The following DUSP8 variants were observed in gnomAD, a reference collection of about 807,000 sequenced individuals.
DUSP8 encodes the protein dual specificity phosphatase 8.
Under a neutral mutation model 38.7 loss-of-function variants are expected in DUSP8, and 15 were observed. That is an observed-to-expected ratio of 0.39 (90% confidence interval 0.26 to 0.60). The LOEUF is 0.60. DUSP8 is among the 20% of genes least tolerant of loss of function. The pLI is 0.56. For missense variants in DUSP8, 768 were observed against 915.0 expected, an observed-to-expected ratio of 0.84 and a Z score of 2.07; for synonymous variants, 458 against 433.9, an observed-to-expected ratio of 1.06 and a Z score of -0.69.
intron 1 of DUSP8, among the ~76,000 whole-genome samples, chr11:1,569,815 C>G (rs1304098753): frequency 6.6e-6 from 1 of 152,218 alleles, no homozygotes; most frequent in East Asian, 1.9e-4. Context: ...CCCCCTCACA[C>G]CTAGGCAGGC....
chr11:1,559,791 C>T (rs1848690286), intron 3 of DUSP8, among the ~76,000 whole-genome samples: 1 of 152,158 alleles, frequency 6.6e-6, no homozygotes, highest in South Asian at 2.1e-4. Flanking sequence ...TGTGCTGCTG[C>T]CTTCCACACA....
Position 1,558,910 on chromosome 11 carries a change from C to A in DUSP8, c.516G>T (p.Ser172=). ...ACACCTTGTTTAGGACGTCCTTCTGCGAGCCCAGGTAGAGGTGAGGCAGGA... is the reference window on the plus strand; with the variant it reads ...ACACCTTGTTTAGGACGTCCTTCTGAGAGCCCAGGTAGAGGTGAGGCAGGA... ...TRILPHLYLG[S]QKDVLNKDLM... Residue 172 remains serine (S), a synonymous_variant, in exon 4 of 7, where the codon TCG becomes TCT. Coordinates refer to ENST00000397374, the MANE Select transcript of DUSP8 (RefSeq NM_004420.3). This position sits in a 1 kb window ranked among gnomAD's most constrained non-coding sequence, Gnocchi z 6.3. 6.2e-7 allele frequency: 1 copy of A among 1,610,690 alleles called. No homozygotes were observed. The highest frequency in any genetic ancestry group is 8.5e-7 in the Non-Finnish European group (1 of 1,178,128).
At position 1,558,242 on chromosome 11, in the gene DUSP8, G is replaced by A. The variant is rs781202178; in HGVS notation, c.567C>T (p.Tyr189=). The A allele has an allele frequency of 6.7e-5, 88 of 1,311,236 alleles. No homozygotes were observed. The highest frequency in any genetic ancestry group is 8.2e-5 in the Non-Finnish European group (80 of 979,026). The allele number at this position is 1,311,236 out of a possible 1,614,324, so 81.2% of individuals were successfully genotyped here. A position where few individuals can be genotyped will look rare whatever the true frequency, so the allele number is the denominator to read the frequency against. The change falls in exon 5 of 7, where the codon TAC becomes TAT. Residue 189 remains tyrosine (Y), a synonymous_variant. Transcript: ENST00000397374. The surrounding 1 kb of genome is among the most constrained non-coding windows in gnomAD (Gnocchi z 6.3). ...GGCAGGAGTTGCTGGCGTTGAGGAC[G>A]TAGCTTATTCCATTTTGCGTCATCA... The part of the protein sequence containing the change: ...KDLMTQNGIS[Y]VLNASNSCPK...
Position 1,557,163 on chromosome 11 carries a change from G to A in DUSP8, c.1233C>T (p.Pro411=), listed in dbSNP as rs761116769. ...GGGCCTCGCCGGGGTCGGGGGGCCCGGGGCCGTCGGGCCGCCTGCTAGGGG... is the reference window on the plus strand; with the variant it reads ...GGGCCTCGCCGGGGTCGGGGGGCCCAGGGCCGTCGGGCCGCCTGCTAGGGG... ...AYAPSRRPDG[P]GPPDPGEAPK... The change falls in exon 7 of 7, where the codon CCC becomes CCT. Residue 411 remains proline (P), a synonymous_variant. Coordinates refer to ENST00000397374, the MANE Select transcript of DUSP8 (RefSeq NM_004420.3). The surrounding 1 kb of genome is among the most constrained non-coding windows in gnomAD (Gnocchi z 9.9). 6 of 1,443,330 alleles carry A rather than the reference G, an allele frequency of 4.2e-6. No individual in the cohort carries two copies. The highest frequency in any genetic ancestry group is 3.0e-5 in the African/African-American group (2 of 66,506). 89.4% of individuals were successfully genotyped at this position (1,443,330 alleles called of 1,614,324 possible). A position where few individuals can be genotyped will look rare whatever the true frequency, so the allele number is the denominator to read the frequency against.
Position 1,556,835 on chromosome 11 carries a change from C to T in DUSP8, c.1561G>A (p.Asp521Asn). Residue 521 changes from aspartate to asparagine, a missense_variant, in exon 7 of 7, where the codon GAC becomes AAC. Around this residue, in one of 3 missense-constraint regions of DUSP8, gnomAD observed 474 missense variants for 430.8 expected, o/e 1.10. Coordinates refer to ENST00000397374, the MANE Select transcript of DUSP8 (RefSeq NM_004420.3). This position sits in a 1 kb window ranked among gnomAD's most constrained non-coding sequence, Gnocchi z 5.2. ...TCGGGGCTGAAGCACCAGGGCCCGTCGGGCGACGGCGTGCCTGGGGAGTCG... is the reference window on the plus strand; with the variant it reads ...TCGGGGCTGAAGCACCAGGGCCCGTTGGGCGACGGCGTGCCTGGGGAGTCG... The part of the protein sequence containing the change: ...PLDSPGTPSP[D>N]GPWCFSPEGA... 1.7e-6 allele frequency: 2 copies of T among 1,149,972 alleles called. No homozygotes were observed. Among genetic ancestry groups the T allele is most frequent in the Non-Finnish European group, 2.1e-6 (2 of 935,720 alleles). The allele number at this position is 1,149,972 out of a possible 1,614,324, so 71.2% of individuals were successfully genotyped here.
intron 1 of DUSP8, among the ~76,000 whole-genome samples, chr11:1,569,640 C>CT: frequency 6.6e-6 from 1 of 152,282 alleles, no homozygotes; most frequent in Admixed American, 6.5e-5. Flanking sequence ...CAGCACATTC[C>CT]TGTCCCTGAG....
chr11:1,565,145 G>C (rs1299904810), intron 2 of DUSP8, among the ~76,000 whole-genome samples: 1 of 152,174 alleles, frequency 6.6e-6, no homozygotes, highest in African/African-American at 2.4e-5. Context: ...TGTGCCTTTT[G>C]ACCACCCCTC....
Position 1,556,663 on chromosome 11 carries a change from G to A in DUSP8, c.1733C>T (p.Ala578Val), listed in dbSNP as rs1438846376. 7.2e-6 allele frequency: 10 copies of A among 1,386,540 alleles called. No individual in the cohort carries two copies. The highest frequency in any genetic ancestry group is 1.6e-5 in the South Asian group (1 of 63,024). 85.9% of individuals were successfully genotyped at this position (1,386,540 alleles called of 1,614,324 possible). A position where few individuals can be genotyped will look rare whatever the true frequency, so the allele number is the denominator to read the frequency against. ...DARTGWPEEP[A>V]PETQFKRRSC... The stretch of plus-strand genomic sequence containing the variant: ...GCGGCGCTTGAACTGCGTCTCCGGG[G>A]CCGGCTCCTCGGGCCAGCCGGTCCG... The change falls in exon 7 of 7, where the codon GCC becomes GTC. Residue 578 changes from alanine to valine, a missense_variant. By Grantham distance (64) the Ala-to-Val change is moderately conservative (BLOSUM62 0). Coordinates refer to ENST00000397374, the MANE Select transcript of DUSP8 (RefSeq NM_004420.3). The surrounding 1 kb of genome is among the most constrained non-coding windows in gnomAD (Gnocchi z 5.2).
At chr11:1,560,941 T>C (rs1353445523) in intron 3 of DUSP8, among the ~76,000 whole-genome samples, 1 of 152,182 alleles carries the variant, frequency 6.6e-6, no homozygotes, top group Non-Finnish European at 1.5e-5. Context: ...GGAAAGTCTC[T>C]GGACAGGTGC....
rs560998745 is a variant in DUSP8 at position 1,571,128 on chromosome 11, T to A, written c.-109+773A>T. On this transcript the variant is annotated intron_variant, in intron 1 of 6. Coordinates refer to ENST00000397374, the MANE Select transcript of DUSP8 (RefSeq NM_004420.3). ...ATTCTCCCAGAAGGGGTGACCCTGT[T>A]GGGGCTGGGCCTATTGTTGCCCCCT... Among the ~76,000 whole-genome samples, 3 of 152,184 alleles carry A rather than the reference T, an allele frequency of 2.0e-5. No individual in the cohort carries two copies. In the East Asian group the frequency reaches 5.8e-4, roughly 29 times the overall value.
chr11:1,557,047 CGCGCCTCAG>C lies in DUSP8; in HGVS notation c.1340_1348del (p.Pro447_Ala449del). On this transcript the variant is annotated inframe_deletion, in exon 7 of 7. Transcript: ENST00000397374. This position sits in a 1 kb window ranked among gnomAD's most constrained non-coding sequence, Gnocchi z 9.9. ...CCGGGGCCGCCGGCGGGGCCGTGGG[CGCGCCTCAG>C]GCGCGGCGTCCGGGCTGTCCGGGCT... The C allele has an allele frequency of 8.8e-7, 1 of 1,133,128 alleles. No individual in the cohort carries two copies. The highest frequency in any genetic ancestry group is 1.1e-6 in the Non-Finnish European group (1 of 925,412). The allele number at this position is 1,133,128 out of a possible 1,614,324, so 70.2% of individuals were successfully genotyped here.
chr11:1,557,783 G>A lies in DUSP8; in HGVS notation c.821+11C>T, dbSNP rs753157729. The A allele has an allele frequency of 2.5e-6, 4 of 1,612,550 alleles. No individual in the cohort carries two copies. Among genetic ancestry groups the A allele is most frequent in the Non-Finnish European group, 1.7e-6 (2 of 1,179,958 alleles). On this transcript the variant is annotated intron_variant, in intron 6 of 6. Coordinates refer to ENST00000397374, the MANE Select transcript of DUSP8 (RefSeq NM_004420.3). The surrounding 1 kb of genome is among the most constrained non-coding windows in gnomAD (Gnocchi z 9.9). The stretch of plus-strand genomic sequence containing the variant: ...TGTGAGCCACAAGTGCGCGACTGGG[G>A]AAGGTGGTACCTGTAGGCGTCGTCG...
At chr11:1,569,039 G>A (rs1004571319) in intron 1 of DUSP8, among the ~76,000 whole-genome samples, 1 of 152,154 alleles carries the variant, frequency 6.6e-6, no homozygotes, top group African/African-American at 2.4e-5. Flanking sequence ...GCCAGCACTG[G>A]CCATGTGGGA....
Position 1,556,812 on chromosome 11 carries a change from G to C in DUSP8, c.1584C>G (p.Pro528=), listed in dbSNP as rs916286917. The C allele has an allele frequency of 4.3e-6, 5 of 1,167,356 alleles. No homozygotes were observed. In the African/African-American group the frequency reaches 6.5e-5, roughly 15 times the overall value. 72.3% of individuals were successfully genotyped at this position (1,167,356 alleles called of 1,614,324 possible). ...CCCCGCCCGCCCCCTGTGCGCCCTC[G>C]GGGCTGAAGCACCAGGGCCCGTCGG... ...PSPDGPWCFS[P]EGAQGAGGVL... The change falls in exon 7 of 7, where the codon CCC becomes CCG. Residue 528 remains proline (P), a synonymous_variant. Coordinates refer to ENST00000397374, the MANE Select transcript of DUSP8 (RefSeq NM_004420.3). The surrounding 1 kb of genome is among the most constrained non-coding windows in gnomAD (Gnocchi z 5.2).
intron 3 of DUSP8, among the ~76,000 whole-genome samples, chr11:1,562,983 A>C (rs1339240743): frequency 5.3e-5 from 8 of 151,950 alleles, no homozygotes; most frequent in Non-Finnish European, 1.2e-4. Flanking sequence ...TTCATCCCCC[A>C]CAGTCGCCCT....
rs927471120 is a variant in DUSP8 at position 1,558,811 on chromosome 11, C to T, written c.537+78G>A. 6.6e-7 allele frequency: 1 copy of T among 1,505,818 alleles called. No individual in the cohort carries two copies. The highest frequency in any genetic ancestry group is 9.0e-7 in the Non-Finnish European group (1 of 1,115,124). The allele number at this position is 1,505,818 out of a possible 1,614,324, so 93.3% of individuals were successfully genotyped here. A position where few individuals can be genotyped will look rare whatever the true frequency, so the allele number is the denominator to read the frequency against. On this transcript the variant is annotated intron_variant, in intron 4 of 6. Transcript: ENST00000397374. The surrounding 1 kb of genome is among the most constrained non-coding windows in gnomAD (Gnocchi z 6.3). ...TTCAGCTCCTTTCCTCCCTCATCCC[C>T]CGCTCCGCTGCCAAGCTGCTTCTGG...
At chr11:1,568,494 A>T (rs1196546499) in intron 1 of DUSP8, among the ~76,000 whole-genome samples, 1 of 152,114 alleles carries the variant, frequency 6.6e-6, no homozygotes, top group Non-Finnish European at 1.5e-5. Flanking sequence ...GCCGAAGGGG[A>T]TTCATTAGCA....
In DUSP8 at chr11:1,571,970, C is replaced by A. The variant is rs1371675776; in HGVS notation, c.-178G>T. 1 of 145,248 alleles carries A rather than the reference C, an allele frequency of 6.9e-6. No homozygotes were observed. Among genetic ancestry groups the A allele is most frequent in the African/African-American group, 2.5e-5 (1 of 40,562 alleles). The allele number at this position is 145,248 out of a possible 1,614,324, so 9.0% of individuals were successfully genotyped here. ...GCTCAGGGCGCCCGCTCGGCCGCGCCGTCCATGGGCCCGGCGGGGGCCCGC... is the reference window on the plus strand; with the variant it reads ...GCTCAGGGCGCCCGCTCGGCCGCGCAGTCCATGGGCCCGGCGGGGGCCCGC... On this transcript the variant is annotated 5_prime_UTR_variant, in exon 1 of 7. Coordinates refer to ENST00000397374, the MANE Select transcript of DUSP8 (RefSeq NM_004420.3).
chr11:1,563,735 C>T lies in DUSP8; in HGVS notation c.370+116G>A. 3 of 1,137,076 alleles carry T rather than the reference C, an allele frequency of 2.6e-6. No homozygotes were observed. In the East Asian group the frequency reaches 8.4e-5, roughly 32 times the overall value. The allele number at this position is 1,137,076 out of a possible 1,614,324, so 70.4% of individuals were successfully genotyped here. On this transcript the variant is annotated intron_variant, in intron 3 of 6. Coordinates refer to ENST00000397374, the MANE Select transcript of DUSP8 (RefSeq NM_004420.3). ...GAGGATGGTGGGGCCTCAAGAACCA[C>T]AGATGTATGGAGATCCCCCCGTGCC...
Sources: allele counts gnomAD v4.1 joint callset (sites outside exome capture counted in the v4.1 genomes callset), GRCh38; gene constraint gnomAD v4.1.1; regional missense constraint gnomAD v4.1.1; non-coding constraint Gnocchi (gnomAD v3.1); transcripts MANE v1.5; gene names NCBI Gene and HGNC (gene_info 2026-07-23, HGNC 2026-07-21).